CLEC1A: variants seen among roughly 807,000 people sequenced by gnomAD.
CLEC1A encodes the protein C-type lectin-like receptor-1.
A neutral mutation model predicts 28.7 loss-of-function variants in CLEC1A; 34 were observed. The ratio of observed to expected loss-of-function variants is 1.18; its 90% CI spans 0.90 to 1.57. CLEC1A has a LOEUF of 1.57. Ranked by LOEUF, CLEC1A falls within the 40% of genes most tolerant of loss-of-function variation. The pLI, the probability that CLEC1A is intolerant of heterozygous loss-of-function variation, is 0.00. For missense variants in CLEC1A, 385 were observed against 339.5 expected, an observed-to-expected ratio of 1.13 and a Z score of -1.05; for synonymous variants, 116 against 121.0, an observed-to-expected ratio of 0.96 and a Z score of 0.27.
chr12:10,079,096 G>T (rs912796890), intron 3 of CLEC1A, among the ~76,000 whole-genome samples: 1 of 152,180 alleles, frequency 6.6e-6, no homozygotes, highest in East Asian at 1.9e-4. Context: ...AACAGACAAA[G>T]ACATTAGTCA....
chr12:10,096,769 T>A (rs1947782397), intron 1 of CLEC1A, among the ~76,000 whole-genome samples: 1 of 152,086 alleles, frequency 6.6e-6, no homozygotes, highest in Non-Finnish European at 1.5e-5. Flanking sequence ...CGTCTCTCTG[T>A]CTATAGTGTC....
intron 3 of CLEC1A, among the ~76,000 whole-genome samples, chr12:10,080,721 C>T (rs927262361): frequency 2.6e-5 from 4 of 152,196 alleles, no homozygotes; most frequent in Admixed American, 6.5e-5. Context: ...ATTTTATCAA[C>T]GGTGGTTCAC....
chr12:10,069,876 C>T lies in CLEC1A; in HGVS notation c.*1457G>A, dbSNP rs896182703. Reference sequence around the variant, plus strand: ...ACAAAATGAAGTTTATGAAAATGAGCACCAATGTGTTCTTTCTATCATATG... The same window carrying T: ...ACAAAATGAAGTTTATGAAAATGAGTACCAATGTGTTCTTTCTATCATATG... On this transcript the variant is annotated 3_prime_UTR_variant, in exon 6 of 6. Coordinates refer to ENST00000315330, the MANE Select transcript of CLEC1A (RefSeq NM_016511.4). 4 of 152,186 alleles carry T rather than the reference C, an allele frequency of 2.6e-5. No homozygotes were observed. Among genetic ancestry groups the T allele is most frequent in the Non-Finnish European group, 4.4e-5 (3 of 68,030 alleles). The allele number at this position is 152,186 out of a possible 1,614,324, so 9.4% of individuals were successfully genotyped here. A position where few individuals can be genotyped will look rare whatever the true frequency, so the allele number is the denominator to read the frequency against.
Position 10,098,750 on chromosome 12 carries a change from A to G in CLEC1A, c.115+58T>C. 5 of 1,062,608 alleles carry G rather than the reference A, an allele frequency of 4.7e-6. No homozygotes were observed. The Admixed American group carries it at 1.0e-4, about 22-fold the overall frequency. The allele number at this position is 1,062,608 out of a possible 1,614,324, so 65.8% of individuals were successfully genotyped here. On this transcript the variant is annotated intron_variant, in intron 1 of 5. Coordinates refer to ENST00000315330, the MANE Select transcript of CLEC1A (RefSeq NM_016511.4). Reference sequence around the variant, plus strand: ...ATATCTCCATTTCTAGGAGGGATAGATCATCTCACACATTTCACAAGGACT... The same window carrying G: ...ATATCTCCATTTCTAGGAGGGATAGGTCATCTCACACATTTCACAAGGACT...
At position 10,075,637 on chromosome 12, in the gene CLEC1A, C is replaced by T. The variant is rs1490489728; in HGVS notation, c.410G>A (p.Cys137Tyr). The T allele has an allele frequency of 3.1e-6, 5 of 1,613,790 alleles. No homozygotes were observed. Among genetic ancestry groups the T allele is most frequent in the Non-Finnish European group, 4.2e-6 (5 of 1,179,878 alleles). The change falls in exon 4 of 6, where the codon TGT becomes TAT. Residue 137 changes from cysteine to tyrosine, a missense_variant. Cys to Tyr is a radical substitution (Grantham distance 194, BLOSUM62 -2). Transcript: ENST00000315330. Reference protein sequence around the residue: ...NKAGAHRCSPCTEQWKWHGDN... With the variant: ...NKAGAHRCSPYTEQWKWHGDN... ...TCCATGCCATTTCCATTGTTCTGTACAAGGGCTGCACCTGTGTGCTTGGAA... is the reference window on the plus strand; with the variant it reads ...TCCATGCCATTTCCATTGTTCTGTATAAGGGCTGCACCTGTGTGCTTGGAA...
chr12:10,088,796 C>T (rs183335864), intron 2 of CLEC1A, among the ~76,000 whole-genome samples: 1 of 152,214 alleles, frequency 6.6e-6, no homozygotes. Context: ...GCCCAAACCT[C>T]TGATACCCTA....
chr12:10,074,117 C>T (rs935232208), intron 4 of CLEC1A, among the ~76,000 whole-genome samples: 4 of 152,096 alleles, frequency 2.6e-5, no homozygotes, highest in African/African-American at 4.8e-5. Context: ...TGCAGTGGCA[C>T]GATCATAGCT....
Position 10,071,187 on chromosome 12 carries a change from G to A in CLEC1A, c.*146C>T, listed in dbSNP as rs1371927843. On this transcript the variant is annotated 3_prime_UTR_variant, in exon 6 of 6. Transcript: ENST00000315330. The stretch of plus-strand genomic sequence containing the variant: ...TAAACCCAAGCTCAGAAATGCTGGT[G>A]ATCCTGAACAGGAAACACGAGAACC... 1.5e-6 allele frequency: 1 copy of A among 687,452 alleles called. No homozygotes were observed. Among genetic ancestry groups the A allele is most frequent in the Non-Finnish European group, 2.3e-6 (1 of 428,218 alleles). 42.6% of individuals were successfully genotyped at this position (687,452 alleles called of 1,614,324 possible).
intron 1 of CLEC1A, chr12:10,092,483 G>T (rs1215525315): frequency 8.0e-6 from 3 of 375,528 alleles, no homozygotes; most frequent in African/African-American, 6.5e-5. Context: ...GGAGGTCAAG[G>T]CTGCAGTGAG....
At chr12:10,081,564 A>G (rs1024572533) in intron 2 of CLEC1A, 151 bp from the exon 3 acceptor site, 2 of 448,506 alleles carry the variant, frequency 4.5e-6, no homozygotes, top group Non-Finnish European at 8.0e-6. Flanking sequence ...TCTAGTACAT[A>G]TATGAGAAGT....
At chr12:10,075,413 C>G (rs147193444) in intron 4 of CLEC1A, 91 bp downstream of exon 4, 8 of 1,383,166 alleles carry the variant, frequency 5.8e-6, no homozygotes, top group African/African-American at 1.4e-5. Flanking sequence ...ACCTGTGGAC[C>G]GATATTCTTG....
chr12:10,072,627 G>A (rs1049956408), intron 5 of CLEC1A, among the ~76,000 whole-genome samples: 2 of 141,746 alleles, frequency 1.4e-5, no homozygotes, highest in Non-Finnish European at 3.1e-5. Context: ...TACTCACTCA[G>A]GGAAAGATCT....
chr12:10,072,039 G>T (rs1866146527), intron 5 of CLEC1A, among the ~76,000 whole-genome samples: 3 of 152,154 alleles, frequency 2.0e-5, no homozygotes, highest in Admixed American at 6.5e-5. Flanking sequence ...TGTTGGAGAT[G>T]GGGCCTGGTG....
rs547351668 is a variant in CLEC1A at position 10,073,526 on chromosome 12, T to A, written c.544-115A>T. ...AAGCACACACAAGTCCTGCTTCACA[T>A]TGATGCTCATATGCTTAAGAGAAAA... On this transcript the variant is annotated intron_variant, in intron 4 of 5. Transcript: ENST00000315330. 52 of 711,736 alleles carry A rather than the reference T, an allele frequency of 7.3e-5. No homozygotes were observed. The Admixed American group carries it at 1.1e-3, about 16-fold the overall frequency. The allele number at this position is 711,736 out of a possible 1,614,324, so 44.1% of individuals were successfully genotyped here.
At chr12:10,077,183 C>T (rs978269753) in intron 3 of CLEC1A, among the ~76,000 whole-genome samples, 1 of 152,056 alleles carries the variant, frequency 6.6e-6, no homozygotes, top group African/African-American at 2.4e-5. Flanking sequence ...TACTATGTAA[C>T]TAAAGAGACA....
chr12:10,076,019 T>C (rs1381055637), intron 3 of CLEC1A, among the ~76,000 whole-genome samples: 1 of 152,194 alleles, frequency 6.6e-6, no homozygotes, highest in African/African-American at 2.4e-5. Flanking sequence ...GGAAATAAAG[T>C]TTCTATAATG....
intron 4 of CLEC1A, 22 bp downstream of exon 4, chr12:10,075,482 T>C (rs758877903): frequency 3.1e-6 from 5 of 1,611,642 alleles, no homozygotes; most frequent in South Asian, 2.2e-5. Flanking sequence ...CCTTCAAACA[T>C]TGAAAAGCCT....
Position 10,075,675 on chromosome 12 carries a change from T to C in CLEC1A, c.392-20A>G. 1 of 1,610,400 alleles carries C rather than the reference T, an allele frequency of 6.2e-7. No homozygotes were observed. Among genetic ancestry groups the C allele is most frequent in the Non-Finnish European group, 8.5e-7 (1 of 1,178,006 alleles). The stretch of plus-strand genomic sequence containing the variant: ...TGTGTGCTTGGAAAAAAGCCAATTT[T>C]ATTGTTATTTTCTGCATGAGTCTGT... On this transcript the variant is annotated intron_variant, in intron 3 of 5. Coordinates refer to ENST00000315330, the MANE Select transcript of CLEC1A (RefSeq NM_016511.4).
chr12:10,090,895 A>G (rs1947693419), intron 1 of CLEC1A, among the ~76,000 whole-genome samples: 2 of 152,178 alleles, frequency 1.3e-5, no homozygotes, highest in Non-Finnish European at 2.9e-5. Flanking sequence ...ACTTAAAATT[A>G]AATCCTGCAT....
Sources: allele counts gnomAD v4.1 joint callset (sites outside exome capture counted in the v4.1 genomes callset), GRCh38; gene constraint gnomAD v4.1.1; transcripts MANE v1.5; gene names NCBI Gene and HGNC (gene_info 2026-07-23, HGNC 2026-07-21).